BLTP2: variants seen among roughly 807,000 people sequenced by gnomAD.
The protein encoded by BLTP2 is bridge-like lipid transfer protein family member 2.
chr17:28,644,924 T>C, the BLTP2 span: 3 of 1,410,430 alleles, frequency 2.1e-6, no homozygotes, highest in Non-Finnish European at 2.9e-6. Context: ...TCAGTCTTTC[T>C]TCCTCCTCTC....
chr17:28,641,647 TA>T, the BLTP2 span, among the ~76,000 whole-genome samples: 2 of 141,534 alleles, frequency 1.4e-5, no homozygotes, highest in African/African-American at 2.6e-5. Flanking sequence ...TCTTTTTTTT[TA>T]AAAAAAAAGG....
the BLTP2 span, chr17:28,632,988 C>T: frequency 6.4e-7 from 1 of 1,566,904 alleles, no homozygotes; most frequent in Non-Finnish European, 8.6e-7. Flanking sequence ...GATTGAGGTT[C>T]TCCGAGCGAA....
At chr17:28,615,599 C>T in the BLTP2 span, 1 of 1,571,596 alleles carries the variant, frequency 6.4e-7, no homozygotes, top group Non-Finnish European at 8.7e-7. Flanking sequence ...AAATGAAAGG[C>T]TCCTGAAAAG....
the BLTP2 span, chr17:28,615,865 T>C: frequency 1.9e-6 from 3 of 1,561,866 alleles, no homozygotes. Context: ...CCATTTTGAG[T>C]CCCAGCCAGC....
the BLTP2 span, among the ~76,000 whole-genome samples, chr17:28,636,681 C>A: frequency 6.6e-6 from 1 of 151,876 alleles, no homozygotes; most frequent in African/African-American, 2.4e-5. Flanking sequence ...TAAAAACATA[C>A]GAGCTAGAAA....
chr17:28,624,282 G>A, the BLTP2 span: 6 of 1,614,174 alleles, frequency 3.7e-6, no homozygotes, highest in Non-Finnish European at 4.2e-6. Context: ...TATGTCATCC[G>A]TCTGGCAGGC....
the BLTP2 span, chr17:28,631,465 G>A: frequency 6.2e-7 from 1 of 1,610,444 alleles, no homozygotes; most frequent in Non-Finnish European, 8.5e-7. Flanking sequence ...TAAAGAAAGT[G>A]TGTCAGGGAG....
At chr17:28,632,461 T>C in the BLTP2 span, among the ~76,000 whole-genome samples, 1 of 152,150 alleles carries the variant, frequency 6.6e-6, no homozygotes, top group African/African-American at 2.4e-5. Context: ...AAATTCATGC[T>C]GAAATACCCC....
the BLTP2 span, chr17:28,617,252 G>C: frequency 6.2e-7 from 1 of 1,614,038 alleles, no homozygotes; most frequent in South Asian, 1.1e-5. Flanking sequence ...GCATTGGGGA[G>C]GAGGTTGTTC....
chr17:28,642,512 G>A, the BLTP2 span: 174 of 602,144 alleles, frequency 2.9e-4, no homozygotes, highest in African/African-American at 2.6e-3. Flanking sequence ...TTAGCCAGGC[G>A]CGGTGGCGGC....
At chr17:28,621,757 T>G in the BLTP2 span, among the ~76,000 whole-genome samples, 1 of 152,108 alleles carries the variant, frequency 6.6e-6, no homozygotes, top group African/African-American at 2.4e-5. Flanking sequence ...AGAAAAACAA[T>G]GAGAAAGGTT....
the BLTP2 span, chr17:28,624,166 T>C: frequency 3.6e-5 from 55 of 1,539,094 alleles, no homozygotes; most frequent in Non-Finnish European, 4.7e-5. Context: ...TATTTAGAGG[T>C]GGGGGAAGGG....
At chr17:28,642,486 C>G in the BLTP2 span, 1 of 654,668 alleles carries the variant, frequency 1.5e-6, no homozygotes, top group Non-Finnish European at 2.7e-6. Context: ...CTCATCTCTA[C>G]TAAAAATACA....
At chr17:28,620,407 T>G in the BLTP2 span, 10 of 1,384,202 alleles carry the variant, frequency 7.2e-6, no homozygotes, top group Non-Finnish European at 1.0e-5. Context: ...CAAGGCCCTT[T>G]TTCAGTGTGA....
At chr17:28,639,402 C>T in the BLTP2 span, 10 of 1,613,524 alleles carry the variant, frequency 6.2e-6, no homozygotes, top group East Asian at 2.2e-5. Flanking sequence ...TTCCTGGTGC[C>T]GGTAGTGAAT....
the BLTP2 span, among the ~76,000 whole-genome samples, chr17:28,636,499 T>C: frequency 8.5e-5 from 13 of 152,226 alleles, no homozygotes; most frequent in Non-Finnish European, 1.6e-4. Context: ...AAATTATATA[T>C]GTCTGATACG....
the BLTP2 span, chr17:28,640,037 C>A: frequency 1.2e-6 from 2 of 1,612,570 alleles, no homozygotes; most frequent in Non-Finnish European, 1.7e-6. Flanking sequence ...TGGACCGAGA[C>A]AGATTCCAGC....
the BLTP2 span, chr17:28,640,387 C>T: frequency 1.0e-4 from 67 of 653,484 alleles, no homozygotes; most frequent in Non-Finnish European, 1.5e-4. Flanking sequence ...AGCAAGACTC[C>T]GTCTCAAAAA....
chr17:28,615,946 T>C, the BLTP2 span: 1 of 1,042,152 alleles, frequency 9.6e-7, no homozygotes. Flanking sequence ...CTCGTAATGA[T>C]GCTGACTCTT....
Sources: gnomAD v4.1 joint callset for allele counts (sites outside exome capture counted in the v4.1 genomes callset) on GRCh38, gnomAD v4.1.1 for gene constraint, MANE v1.5 for transcripts, NCBI Gene and HGNC (gene_info 2026-07-23, HGNC 2026-07-21) for gene names.